Variants in ANGPT4 observed in about 807,000 individuals in gnomAD.
ANGPT4 encodes the protein angiopoietin-4.
A neutral mutation model predicts 53.0 loss-of-function variants in ANGPT4; 50 were observed. That is an observed-to-expected ratio of 0.94 (90% CI 0.75 to 1.20). ANGPT4 has a LOEUF of 1.20. ANGPT4 is among the 50% of genes most tolerant of loss of function. The pLI, the probability that ANGPT4 is intolerant of heterozygous loss-of-function variation, is 0.00. For synonymous variants in ANGPT4, 251 were observed against 259.7 expected, an observed-to-expected ratio of 0.97 and a Z score of 0.32; for missense variants, 648 against 637.1, an observed-to-expected ratio of 1.02 and a Z score of -0.18.
chr20:899,088 G>A (rs147607484), intron 1 of ANGPT4, among the ~76,000 whole-genome samples: 2,884 of 152,170 alleles, frequency 0.019, 40 homozygotes, highest in Non-Finnish European at 0.026. Context: ...TCTTACAGTG[G>A]AGGGTAAGTC....
intron 2 of ANGPT4, among the ~76,000 whole-genome samples, chr20:889,736 T>C (rs1485531211): frequency 6.6e-6 from 1 of 152,190 alleles, no homozygotes; most frequent in Non-Finnish European, 1.5e-5. Flanking sequence ...AACAAACAAA[T>C]GGGCACAAAC....
Position 912,633 on chromosome 20 carries a change from G to A in ANGPT4, c.309+3273C>T, listed in dbSNP as rs1317754767. ...AGGAGAGAGAGGGAGGCAGAAGGAG[G>A]GGGAGAGCAGGGAGAAGAAAGGGAA... On this transcript the variant is annotated intron_variant, in intron 1 of 8. Coordinates refer to ENST00000381922, the MANE Select transcript of ANGPT4 (RefSeq NM_015985.4). 3.9e-5 allele frequency among the ~76,000 whole-genome samples: 6 copies of A among 152,122 alleles called. No individual in the cohort carries two copies. In the East Asian group the frequency reaches 9.6e-4, roughly 24 times the overall value.
At chr20:876,750 T>G (rs1310485001) in intron 7 of ANGPT4, among the ~76,000 whole-genome samples, 3 of 151,838 alleles carry the variant, frequency 2.0e-5, no homozygotes, top group African/African-American at 7.3e-5. Context: ...AGCTACTCAC[T>G]GGTCAGGTGT....
At chr20:878,824 C>T (rs7272569) in intron 6 of ANGPT4, among the ~76,000 whole-genome samples, 19,182 of 152,184 alleles carry the variant, frequency 0.13, 1,611 homozygotes, top group African/African-American at 0.24. Context: ...GTAGAGCAAA[C>T]TTTGTTCAGT....
intron 1 of ANGPT4, among the ~76,000 whole-genome samples, chr20:898,669 G>A (rs148505772): frequency 0.014 from 2,112 of 152,244 alleles, 34 homozygotes; most frequent in South Asian, 0.082. Context: ...TAGAGAAGAG[G>A]CAGCCAAGTG....
chr20:889,180 C>A (rs527710932), intron 2 of ANGPT4, among the ~76,000 whole-genome samples: 4 of 151,818 alleles, frequency 2.6e-5, no homozygotes, highest in Non-Finnish European at 4.4e-5. Context: ...TCATCCCCCC[C>A]CACCACTCCC....
intron 2 of ANGPT4, among the ~76,000 whole-genome samples, chr20:888,870 A>G (rs933204700): frequency 7.9e-5 from 12 of 152,160 alleles, no homozygotes; most frequent in African/African-American, 2.9e-4. Flanking sequence ...TGCTCTGTTC[A>G]AAAGCTTCCT....
At chr20:893,839 G>A (rs1215094704) in intron 1 of ANGPT4, among the ~76,000 whole-genome samples, 4 of 152,172 alleles carry the variant, frequency 2.6e-5, no homozygotes, top group Non-Finnish European at 5.9e-5. Flanking sequence ...CAACCCACTA[G>A]TAAGTACTGC....
chr20:907,933 G>C (rs61271026), intron 1 of ANGPT4, among the ~76,000 whole-genome samples: 4,290 of 152,276 alleles, frequency 0.028, 208 homozygotes, highest in African/African-American at 0.098. Context: ...TGGAGGAAAA[G>C]GGTGATTGTT....
intron 3 of ANGPT4, 130 bp downstream of exon 3, chr20:888,188 C>G (rs1981687376): frequency 2.3e-6 from 3 of 1,286,264 alleles, no homozygotes; most frequent in East Asian, 5.2e-5. Context: ...TCCCAGACAC[C>G]AGCCCACGTC....
intron 1 of ANGPT4, among the ~76,000 whole-genome samples, chr20:903,908 G>C (rs1982380917): frequency 6.6e-6 from 1 of 152,104 alleles, no homozygotes; most frequent in Admixed American, 6.6e-5. Flanking sequence ...ATGCTCTCAG[G>C]GACCTCTCAG....
intron 3 of ANGPT4, 75 bp downstream of exon 3, chr20:888,243 G>A (rs777036198): frequency 1.1e-4 from 172 of 1,530,066 alleles, no homozygotes; most frequent in Non-Finnish European, 1.5e-4. Flanking sequence ...CCCTGGCTCT[G>A]GTGCCTGCCC....
rs1982576302 is a variant in ANGPT4, at chr20:908,675, T to A, written c.309+7231A>T. Among the ~76,000 whole-genome samples the A allele has an allele frequency of 6.6e-6, 1 of 152,098 alleles. No homozygotes were observed. The highest frequency in any genetic ancestry group is 1.5e-5 in the Non-Finnish European group (1 of 68,020). On this transcript the variant is annotated intron_variant, in intron 1 of 8. Coordinates refer to ENST00000381922, the MANE Select transcript of ANGPT4 (RefSeq NM_015985.4). This position sits in a 1 kb window ranked among gnomAD's most constrained non-coding sequence, Gnocchi z 4.9. ...ATGGCGCCTGGCGCATTGTAAGCCC[T>A]CAATAAACAGTGGTGGAAGGGACAA...
chr20:873,276 G>A (rs1981021788), intron 8 of ANGPT4, among the ~76,000 whole-genome samples, 156 bp from the exon 9 acceptor site: 2 of 151,978 alleles, frequency 1.3e-5, no homozygotes, highest in Non-Finnish European at 2.9e-5. Context: ...TGGGAGTGGG[G>A]GTGGGGTGGA....
At chr20:913,395 G>A (rs1226822697) in intron 1 of ANGPT4, among the ~76,000 whole-genome samples, 1 of 152,110 alleles carries the variant, frequency 6.6e-6, no homozygotes, top group Admixed American at 6.5e-5. Flanking sequence ...ACCGAAACCT[G>A]CTCATCTGTA....
chr20:873,278 T>C (rs1192049580), intron 8 of ANGPT4, among the ~76,000 whole-genome samples, 158 bp from the exon 9 acceptor site: 2 of 124,032 alleles, frequency 1.6e-5, no homozygotes, highest in Non-Finnish European at 3.4e-5. Context: ...GGAGTGGGGG[T>C]GGGGTGGACA....
chr20:901,131 T>C (rs1456394922), intron 1 of ANGPT4, among the ~76,000 whole-genome samples: 6 of 152,200 alleles, frequency 3.9e-5, no homozygotes, highest in African/African-American at 1.4e-4. Flanking sequence ...CTCCAAAAAT[T>C]TTCGCCACCC....
chr20:878,744 TGC>T lies in ANGPT4; in HGVS notation c.1054-419_1054-418del, dbSNP rs981791282. Among the ~76,000 whole-genome samples the T allele has an allele frequency of 1.7e-4, 26 of 152,210 alleles. 1 individual carries two copies. Among genetic ancestry groups the T allele is most frequent in the African/African-American group, 5.6e-4 (23 of 41,438 alleles). The stretch of plus-strand genomic sequence containing the variant: ...CTCACTGAGCCTTACACTTTATTTG[TGC>T]GCTTAGACACATGTACGTTAAACCT... On this transcript the variant is annotated intron_variant, in intron 6 of 8. Coordinates refer to ENST00000381922, the MANE Select transcript of ANGPT4 (RefSeq NM_015985.4).
In ANGPT4 at chr20:872,791, T is replaced by C; in HGVS notation, c.*169A>G. The C allele has an allele frequency of 3.4e-6, 2 of 590,382 alleles. No homozygotes were observed. The highest frequency in any genetic ancestry group is 2.4e-5 in the South Asian group (1 of 41,526). 36.6% of individuals were successfully genotyped at this position (590,382 alleles called of 1,614,324 possible). On this transcript the variant is annotated 3_prime_UTR_variant, in exon 9 of 9. Transcript: ENST00000381922. ...CCTCCATGTCACAGACGGAGGGGAG[T>C]TGGGGGGCAGATGACCCTTCTGGAC...
Sources: gnomAD v4.1 joint callset for allele counts (sites outside exome capture counted in the v4.1 genomes callset) on GRCh38, gnomAD v4.1.1 for gene constraint, Gnocchi (gnomAD v3.1) non-coding constraint, MANE v1.5 for transcripts, NCBI Gene and HGNC (gene_info 2026-07-23, HGNC 2026-07-21) for gene names.